DST: variants seen among roughly 807,000 people sequenced by gnomAD.
DST encodes the protein dystonin.
In DST, 253 loss-of-function variants were observed where a neutral mutation model predicts 875.2. That is an observed-to-expected ratio of 0.29 (90% CI 0.26 to 0.32). The LOEUF (loss-of-function observed/expected upper bound fraction) is 0.32, where lower values mean the gene tolerates loss of function less well. Ranked by LOEUF, DST falls within the 10% of genes least tolerant of loss-of-function variation. DST has a pLI of 1.00. For missense variants in DST, 8,287 were observed against 9,111.6 expected (o/e 0.91, Z 3.68); for synonymous variants, 3,124 against 3,197.1 (o/e 0.98, Z 0.77).
At chr6:56,937,941 CCAGGAGAGG>C (rs1020923931) in intron 2 of DST, among the ~76,000 whole-genome samples, 2 of 152,004 alleles carry the variant, frequency 1.3e-5, no homozygotes, top group African/African-American at 2.4e-5. Context: ...TATGCAATGT[CCAGGAGAGG>C]CACTATCTAT....
intron 45 of DST, among the ~76,000 whole-genome samples, chr6:56,599,538 A>C (rs1378100528): frequency 1.3e-5 from 2 of 152,104 alleles, no homozygotes; most frequent in Non-Finnish European, 2.9e-5. Flanking sequence ...TAAAGCTAAC[A>C]ATGTATAGAG....
Position 56,935,997 on chromosome 6 carries a change from A to G in DST, c.216+17788T>C, listed in dbSNP as rs543845751. Among the ~76,000 whole-genome samples the G allele has an allele frequency of 3.9e-5, 6 of 152,338 alleles. No individual in the cohort carries two copies. The East Asian group carries it at 1.2e-3, about 29-fold the overall frequency. Reference sequence around the variant, plus strand: ...AAATAAGAAAAGAAACTTTTCCAAAATGAATAATCTATTGATGTTTGATTC... The same window carrying G: ...AAATAAGAAAAGAAACTTTTCCAAAGTGAATAATCTATTGATGTTTGATTC... On this transcript the variant is annotated intron_variant, in intron 2 of 103. Transcript: ENST00000680361.
chr6:56,820,612 G>T (rs1460464104), intron 4 of DST, among the ~76,000 whole-genome samples: 1 of 152,044 alleles, frequency 6.6e-6, no homozygotes, highest in Non-Finnish European at 1.5e-5. Flanking sequence ...TGCACGCAGT[G>T]ACATCAACTT....
chr6:56,882,611 A>G (rs1452249652), intron 3 of DST, among the ~76,000 whole-genome samples: 1 of 152,252 alleles, frequency 6.6e-6, no homozygotes, highest in Non-Finnish European at 1.5e-5. Context: ...CTGAAAAGCT[A>G]TCTCCTGAGC....
intron 5 of DST, among the ~76,000 whole-genome samples, chr6:56,709,216 T>C (rs2099352853): frequency 1.3e-5 from 2 of 152,196 alleles, no homozygotes; most frequent in Admixed American, 1.3e-4. Flanking sequence ...ACTAATCTTT[T>C]ACTTAAAAGA....
chr6:56,459,246 C>A lies in DST; in HGVS notation c.23216G>T (p.Arg7739Leu). The change falls in exon 104 of 104, where the codon CGA becomes CTA. Residue 7739 changes from arginine (R) to leucine (L), a missense_variant. By Grantham distance (102) the Arg-to-Leu change is moderately radical. This residue lies in a region of DST where 240 missense variants were observed against 237.3 expected (regional missense o/e 1.01). Transcript: ENST00000680361. The part of the protein sequence containing the change: ...QFADSKKTPS[R>L]PGSRAGSKAG... ...TTTGCTTCCAGCTCGACTTCCTGGT[C>A]GGCTGGGAGTCTTCTTGGAATCTGA... The A allele has an allele frequency of 2.5e-6, 4 of 1,612,524 alleles. No homozygotes were observed. The South Asian group carries it at 4.4e-5, about 18-fold the overall frequency.
At chr6:56,592,678 G>T (rs1053744123) in intron 48 of DST, among the ~76,000 whole-genome samples, 1 of 152,164 alleles carries the variant, frequency 6.6e-6, no homozygotes, top group African/African-American at 2.4e-5. Flanking sequence ...TACACCATGT[G>T]TATAGATATC....
intron 61 of DST, among the ~76,000 whole-genome samples, chr6:56,543,516 G>C (rs1329281685): frequency 6.6e-6 from 1 of 152,108 alleles, no homozygotes; most frequent in Non-Finnish European, 1.5e-5. Context: ...TTTATCTACT[G>C]AACACCCTTC....
At chr6:56,616,024 T>C in intron 36 of DST, 1 of 1,614,206 alleles carries the variant, frequency 6.2e-7, no homozygotes, top group Non-Finnish European at 8.5e-7. Flanking sequence ...TGACTTGGGC[T>C]TCAAGGCATC....
intron 3 of DST, among the ~76,000 whole-genome samples, chr6:56,893,434 T>C (rs1788617251): frequency 6.6e-6 from 1 of 152,180 alleles, no homozygotes; most frequent in East Asian, 1.9e-4. Context: ...CCCACAATTT[T>C]GGAATTGTGA....
chr6:56,764,097 GCA>G (rs57134689), intron 4 of DST, among the ~76,000 whole-genome samples: 2,413 of 141,938 alleles, frequency 0.017, 24 homozygotes, highest in Non-Finnish European at 0.022. Context: ...AAGTGCACAT[GCA>G]CACACACACA....
intron 4 of DST, among the ~76,000 whole-genome samples, chr6:56,783,237 C>T (rs570928844): frequency 6.6e-6 from 1 of 152,096 alleles, no homozygotes; most frequent in African/African-American, 2.4e-5. Flanking sequence ...ATGTCTATTA[C>T]GTCTGCTTGG....
intron 4 of DST, among the ~76,000 whole-genome samples, chr6:56,789,225 G>A (rs1425712623): frequency 2.6e-5 from 4 of 151,962 alleles, no homozygotes; most frequent in Non-Finnish European, 5.9e-5. Context: ...TCCTCACTAC[G>A]TAGGAGACTG....
intron 4 of DST, among the ~76,000 whole-genome samples, chr6:56,780,908 G>C (rs572903526): frequency 3.9e-5 from 6 of 152,278 alleles, no homozygotes; most frequent in African/African-American, 7.2e-5. Flanking sequence ...TTTGTATAAG[G>C]TATAAGGAAG....
intron 4 of DST, among the ~76,000 whole-genome samples, chr6:56,811,183 C>CAAAAAA (rs371256050): frequency 3.0e-5 from 1 of 33,326 alleles, no homozygotes; most frequent in East Asian, 1.3e-3. Flanking sequence ...GACCCTGTCT[C>CAAAAAA]AAAAAAAAAA....
At chr6:56,851,302 G>C in intron 4 of DST, 95 bp downstream of exon 4, 1 of 1,143,172 alleles carries the variant, frequency 8.7e-7, no homozygotes, top group Non-Finnish European at 1.3e-6. Context: ...TTCCTGCCCA[G>C]TGCATCAGCT....
At chr6:56,670,911 AT>A in intron 9 of DST, 104 bp from the exon 10 acceptor site, 1 of 622,470 alleles carries the variant, frequency 1.6e-6, no homozygotes, top group Non-Finnish European at 2.6e-6. Context: ...GATTAGGATA[AT>A]AACAATTCCC....
intron 55 of DST, among the ~76,000 whole-genome samples, chr6:56,565,526 T>G (rs2097658140): frequency 6.6e-6 from 1 of 152,208 alleles, no homozygotes; most frequent in South Asian, 2.1e-4. Context: ...GTCCTGGGCT[T>G]TTTTTGGTTG....
intron 4 of DST, among the ~76,000 whole-genome samples, chr6:56,834,487 C>T (rs2099791131): frequency 6.6e-6 from 1 of 152,136 alleles, no homozygotes; most frequent in Non-Finnish European, 1.5e-5. Flanking sequence ...ATCCCAGCTA[C>T]TCAGGAGGCT....
Sources: gnomAD v4.1 joint callset for allele counts (sites outside exome capture counted in the v4.1 genomes callset) on GRCh38, gnomAD v4.1.1 for gene constraint, gnomAD v4.1.1 regional missense constraint, MANE v1.5 for transcripts, NCBI Gene and HGNC (gene_info 2026-07-23, HGNC 2026-07-21) for gene names.